Variants in DLEU7 observed in about 807,000 individuals in gnomAD.
The protein encoded by DLEU7 is leukemia-associated protein 7.
A neutral mutation model predicts 16.0 loss-of-function variants in DLEU7; 17 were observed. That is an observed-to-expected ratio of 1.06 (90% CI 0.73 to 1.59). DLEU7 has a LOEUF of 1.59. Among genes scored for constraint, DLEU7 ranks in the 40% most tolerant of loss-of-function variants. DLEU7 has a pLI of 0.00. For missense variants in DLEU7, 308 were observed against 314.9 expected (o/e 0.98, Z 0.17); for synonymous variants, 113 against 139.8 (o/e 0.81, Z 1.35).
At chr13:50,790,283 ATC>A (rs1451248472) in intron 1 of DLEU7, among the ~76,000 whole-genome samples, 1 of 152,144 alleles carries the variant, frequency 6.6e-6, no homozygotes, top group African/African-American at 2.4e-5. Context: ...TACTATCAAT[ATC>A]TCTTTCTTTT....
At chr13:50,761,046 G>T (rs1234472082) in intron 1 of DLEU7, among the ~76,000 whole-genome samples, 1 of 152,158 alleles carries the variant, frequency 6.6e-6, no homozygotes, top group Admixed American at 6.5e-5. Context: ...AGGCCATGTG[G>T]TCCACACTGT....
chr13:50,780,350 A>G (rs1875618761), intron 1 of DLEU7, among the ~76,000 whole-genome samples: 1 of 152,214 alleles, frequency 6.6e-6, no homozygotes, highest in African/African-American at 2.4e-5. Context: ...GGACTTTTTG[A>G]TTTAAAACCT....
At chr13:50,712,943 C>A in exon 2 of DLEU7, 1 of 428,566 alleles carries the variant, frequency 2.3e-6, no homozygotes, top group Non-Finnish European at 4.2e-6. Context: ...ATGGAAGCGG[C>A]TCTAATTGGA....
At chr13:50,826,020 C>G (rs1877072202) in intron 1 of DLEU7, among the ~76,000 whole-genome samples, 1 of 140,228 alleles carries the variant, frequency 7.1e-6, no homozygotes, top group Non-Finnish European at 1.5e-5. Context: ...TCCCCCGACC[C>G]CACGACAGGC....
intron 1 of DLEU7, among the ~76,000 whole-genome samples, chr13:50,742,298 G>A (rs980770718): frequency 6.6e-6 from 1 of 152,162 alleles, no homozygotes; most frequent in South Asian, 2.1e-4. Flanking sequence ...GCTTTTTTAT[G>A]TAAGAGCATT....
In DLEU7 at chr13:50,823,155, A is replaced by G. The variant is rs909127780; in HGVS notation, c.*159T>C. 27 of 1,422,562 alleles carry G rather than the reference A, an allele frequency of 1.9e-5. No homozygotes were observed. The highest frequency in any genetic ancestry group is 1.4e-4 in the Admixed American group (5 of 34,982). The allele number at this position is 1,422,562 out of a possible 1,614,324, so 88.1% of individuals were successfully genotyped here. A position where few individuals can be genotyped will look rare whatever the true frequency, so the allele number is the denominator to read the frequency against. On this transcript the variant is annotated 3_prime_UTR_variant, in exon 2 of 2. Transcript: ENST00000504404. Reference sequence around the variant, plus strand: ...ATTTCATTAACATGCTATAATCCCGAAGGCTACAGATGCCACTGGTCAGAC... The same window carrying G: ...ATTTCATTAACATGCTATAATCCCGGAGGCTACAGATGCCACTGGTCAGAC...
chr13:50,836,394 G>T (rs964439857), intron 1 of DLEU7, among the ~76,000 whole-genome samples: 6 of 152,170 alleles, frequency 3.9e-5, no homozygotes, highest in African/African-American at 1.4e-4. Context: ...AAAAAAAGAG[G>T]CCGGGCATGG....
intron 1 of DLEU7, among the ~76,000 whole-genome samples, chr13:50,802,305 G>A (rs1876275419): frequency 6.6e-6 from 1 of 152,078 alleles, no homozygotes; most frequent in Non-Finnish European, 1.5e-5. Flanking sequence ...AGAGCAATTG[G>A]TGAAAGAGAT....
chr13:50,726,044 A>G lies in DLEU7; in HGVS notation c.460-12804T>C, dbSNP rs1873754219. 6.6e-6 allele frequency among the ~76,000 whole-genome samples: 1 copy of G among 152,232 alleles called. No homozygotes were observed. The highest frequency in any genetic ancestry group is 2.4e-5 in the African/African-American group (1 of 41,468). On this transcript the variant is annotated intron_variant, in intron 1 of 1. Transcript: ENST00000400393. The surrounding 1 kb of genome is among the most constrained non-coding windows in gnomAD (Gnocchi z 4.0). The stretch of plus-strand genomic sequence containing the variant: ...GTCAGGCCTCAAGGATACAAAGATC[A>G]ATGCAGTGTGATTCCTGCCTTCAAG...
At chr13:50,746,884 A>G (rs140670874) in intron 1 of DLEU7, among the ~76,000 whole-genome samples, 2,138 of 152,214 alleles carry the variant, frequency 0.014, 25 homozygotes, top group Middle Eastern at 0.031. Context: ...GCTTCTTCTA[A>G]CCACAGTTTT....
intron 1 of DLEU7, among the ~76,000 whole-genome samples, chr13:50,815,370 A>C (rs1876700671): frequency 6.6e-6 from 1 of 152,176 alleles, no homozygotes; most frequent in Non-Finnish European, 1.5e-5. Context: ...ATATCAGTCT[A>C]CTGAAATGAG....
chr13:50,804,517 C>T (rs969564697), intron 1 of DLEU7, among the ~76,000 whole-genome samples: 4 of 151,754 alleles, frequency 2.6e-5, no homozygotes, highest in African/African-American at 9.7e-5. Context: ...GATCTCAGCT[C>T]ACTGCAATCT....
intron 1 of DLEU7, among the ~76,000 whole-genome samples, chr13:50,815,453 A>G (rs1167018052): frequency 6.6e-6 from 1 of 152,174 alleles, no homozygotes; most frequent in African/African-American, 2.4e-5. Flanking sequence ...ACATATACGC[A>G]CACATACAGA....
intron 1 of DLEU7, among the ~76,000 whole-genome samples, chr13:50,803,497 G>A (rs565297763): frequency 6.6e-6 from 1 of 152,146 alleles, no homozygotes; most frequent in Admixed American, 6.5e-5. Flanking sequence ...GCCCCATGTG[G>A]CTCTTGAACA....
chr13:50,765,615 AAGG>A (rs1425659957), intron 1 of DLEU7, among the ~76,000 whole-genome samples: 2 of 152,158 alleles, frequency 1.3e-5, no homozygotes, highest in Non-Finnish European at 1.5e-5. Context: ...AACAGATAGA[AAGG>A]AAGAAGACCA....
At chr13:50,713,056 A>G (rs906293248) in exon 2 of DLEU7, 5 of 712,440 alleles carry the variant, frequency 7.0e-6, no homozygotes, top group Non-Finnish European at 1.2e-5. Context: ...ATCCACAGAG[A>G]CCATGCAATT....
intron 1 of DLEU7, among the ~76,000 whole-genome samples, chr13:50,770,839 A>C (rs1038715320): frequency 3.9e-5 from 6 of 152,146 alleles, no homozygotes; most frequent in Admixed American, 3.9e-4. Flanking sequence ...TTTCAGAAGG[A>C]ATGGTACCAG....
intron 1 of DLEU7, among the ~76,000 whole-genome samples, chr13:50,790,795 G>A (rs1349346854): frequency 1.3e-5 from 2 of 152,138 alleles, no homozygotes; most frequent in South Asian, 2.1e-4. Context: ...GATTAGCCAC[G>A]GATGCTCTCT....
downstream of DLEU7, among the ~76,000 whole-genome samples, chr13:50,821,356 G>C (rs1017019542): frequency 6.6e-6 from 1 of 152,080 alleles, no homozygotes; most frequent in African/African-American, 2.4e-5. Flanking sequence ...AAAGGTGGTA[G>C]GGGCAACCAA....
Sources: gnomAD v4.1 joint callset for allele counts (sites outside exome capture counted in the v4.1 genomes callset) on GRCh38, gnomAD v4.1.1 for gene constraint, Gnocchi (gnomAD v3.1) non-coding constraint, MANE v1.5 for transcripts, NCBI Gene and HGNC (gene_info 2026-07-23, HGNC 2026-07-21) for gene names.